Variants in ZMAT4 observed in about 807,000 individuals in gnomAD.
ZMAT4 encodes zinc finger matrin-type 4.
Under a neutral mutation model 28.7 loss-of-function variants are expected in ZMAT4, and 17 were observed. That is an observed-to-expected ratio of 0.59 (90% CI 0.41 to 0.89). The LOEUF (loss-of-function observed/expected upper bound fraction) is 0.89. ZMAT4 is among the 40% of genes least tolerant of loss of function. The pLI, the probability that ZMAT4 is intolerant of heterozygous loss-of-function variation, is 0.00. For synonymous variants in ZMAT4, 117 were observed against 109.2 expected, an observed-to-expected ratio of 1.07 and a Z score of -0.44; for missense variants, 240 against 283.8, an observed-to-expected ratio of 0.85 and a Z score of 1.11.
intron 5 of ZMAT4, among the ~76,000 whole-genome samples, chr8:40,630,804 C>T (rs1251128929): frequency 1.3e-5 from 2 of 152,094 alleles, no homozygotes; most frequent in Admixed American, 6.6e-5. Context: ...TAGGGTGGTA[C>T]TGGACAACAG....
chr8:40,717,483 C>T (rs146217673), intron 3 of ZMAT4, among the ~76,000 whole-genome samples: 2 of 152,048 alleles, frequency 1.3e-5, no homozygotes, highest in African/African-American at 4.8e-5. Flanking sequence ...AGTGATACTC[C>T]ATCTCTACAA....
intron 5 of ZMAT4, among the ~76,000 whole-genome samples, chr8:40,671,256 A>G (rs189048263): frequency 3.3e-5 from 5 of 152,242 alleles, no homozygotes; most frequent in African/African-American, 1.2e-4. Context: ...ACTATTTTAG[A>G]TTTTGGCAGT....
intron 1 of ZMAT4, among the ~76,000 whole-genome samples, chr8:40,856,592 G>A (rs1817306776): frequency 6.6e-6 from 1 of 152,184 alleles, no homozygotes; most frequent in South Asian, 2.1e-4. Flanking sequence ...ACAGGCAGGT[G>A]GTAGCATAAA....
chr8:40,777,906 T>C (rs1813670071), intron 2 of ZMAT4, among the ~76,000 whole-genome samples: 1 of 152,238 alleles, frequency 6.6e-6, no homozygotes, highest in South Asian at 2.1e-4. Context: ...ACTTTATACT[T>C]TGTAGCATGT....
chr8:40,792,231 T>C (rs1814359110), intron 2 of ZMAT4, among the ~76,000 whole-genome samples: 1 of 152,012 alleles, frequency 6.6e-6, no homozygotes. Context: ...GAAAAAAGGA[T>C]TAAATATTGG....
intron 5 of ZMAT4, among the ~76,000 whole-genome samples, chr8:40,617,111 G>A (rs551069264): frequency 6.6e-6 from 1 of 152,222 alleles, no homozygotes; most frequent in East Asian, 1.9e-4. Context: ...ATGGTGTGAT[G>A]ATGATCTTTA....
intron 1 of ZMAT4, among the ~76,000 whole-genome samples, chr8:40,842,349 A>G (rs755508625): frequency 4.6e-5 from 7 of 152,212 alleles, no homozygotes; most frequent in Admixed American, 1.3e-4. Context: ...GTCTTTCCAG[A>G]GCTTTTAAAT....
At chr8:40,884,842 C>T (rs947139837) in intron 1 of ZMAT4, 1 of 152,212 alleles carries the variant, frequency 6.6e-6, no homozygotes, top group Admixed American at 6.5e-5. Flanking sequence ...TACAGCCATG[C>T]TCCTTCATTT....
chr8:40,681,512 G>A (rs1400803716), intron 4 of ZMAT4, among the ~76,000 whole-genome samples: 1 of 152,176 alleles, frequency 6.6e-6, no homozygotes, highest in Non-Finnish European at 1.5e-5. Flanking sequence ...GCAGCTGTCA[G>A]TGTCATTCTG....
intron 1 of ZMAT4, among the ~76,000 whole-genome samples, chr8:40,837,098 T>C (rs949812692): frequency 2.0e-5 from 3 of 152,220 alleles, no homozygotes; most frequent in African/African-American, 7.2e-5. Flanking sequence ...GTTTTTTTCC[T>C]TTCTCCTGGC....
At chr8:40,843,908 C>T (rs901693445) in intron 1 of ZMAT4, among the ~76,000 whole-genome samples, 2 of 152,270 alleles carry the variant, frequency 1.3e-5, no homozygotes, top group Non-Finnish European at 2.9e-5. Context: ...AGAAAGTGCA[C>T]ACATTTTTAA....
At chr8:40,621,795 C>T (rs1375665836) in intron 5 of ZMAT4, among the ~76,000 whole-genome samples, 2 of 152,150 alleles carry the variant, frequency 1.3e-5, no homozygotes, top group Non-Finnish European at 2.9e-5. Flanking sequence ...GAGAGCCACT[C>T]AGGGTCTAAG....
At chr8:40,597,223 C>T (rs943517778) in intron 5 of ZMAT4, among the ~76,000 whole-genome samples, 1 of 152,118 alleles carries the variant, frequency 6.6e-6, no homozygotes. Context: ...ACACTCAATA[C>T]GAAAGGTCAA....
chr8:40,618,672 A>AC (rs199717440), intron 5 of ZMAT4, among the ~76,000 whole-genome samples: 1 of 151,556 alleles, frequency 6.6e-6, no homozygotes, highest in African/African-American at 2.4e-5. Context: ...AAAAAAAAAA[A>AC]AGAAATGACT....
intron 2 of ZMAT4, among the ~76,000 whole-genome samples, chr8:40,812,312 G>A (rs76985978): frequency 0.06 from 9,125 of 152,180 alleles, 507 homozygotes; most frequent in East Asian, 0.3. Context: ...TCGATAGCAC[G>A]TACTCTTGAT....
intron 5 of ZMAT4, among the ~76,000 whole-genome samples, chr8:40,590,707 G>C (rs1239747215): frequency 7.8e-6 from 1 of 128,554 alleles, no homozygotes; most frequent in Non-Finnish European, 1.7e-5. Context: ...AAAGCTTTCA[G>C]TATAAGTGTG....
intron 1 of ZMAT4, among the ~76,000 whole-genome samples, chr8:40,868,267 T>C (rs1193355412): frequency 1.3e-5 from 2 of 152,136 alleles, no homozygotes; most frequent in Non-Finnish European, 2.9e-5. Flanking sequence ...CCACAGGATA[T>C]CAGGAGACAG....
At chr8:40,750,377 A>G (rs1290925642) in intron 3 of ZMAT4, among the ~76,000 whole-genome samples, 1 of 152,134 alleles carries the variant, frequency 6.6e-6, no homozygotes, top group East Asian at 1.9e-4. Context: ...GTCACCTAAT[A>G]GGAAGACAGC....
chr8:40,705,813 C>G (rs188509872), intron 3 of ZMAT4, among the ~76,000 whole-genome samples: 10 of 152,242 alleles, frequency 6.6e-5, no homozygotes, highest in Admixed American at 5.9e-4. Flanking sequence ...TACAATAGCT[C>G]TCTTAAACTT....
Sources: gnomAD v4.1 joint callset for allele counts (sites outside exome capture counted in the v4.1 genomes callset) on GRCh38, gnomAD v4.1.1 for gene constraint, MANE v1.5 for transcripts, NCBI Gene and HGNC (gene_info 2026-07-23, HGNC 2026-07-21) for gene names.